The following TMEM132D variants were observed in gnomAD, a reference collection of about 807,000 sequenced individuals.
The protein encoded by TMEM132D is transmembrane protein 132D, also known as mature OL transmembrane protein.
A neutral mutation model predicts 62.3 loss-of-function variants in TMEM132D; 21 were observed. The observed-to-expected ratio is 0.34, with a 90% CI of 0.24 to 0.49. TMEM132D has a LOEUF of 0.49. Among genes scored for constraint, TMEM132D ranks in the 20% least tolerant of loss-of-function variants. The pLI, the probability that TMEM132D is intolerant of heterozygous loss-of-function variation, is 0.99. For missense variants in TMEM132D, 1,346 were observed against 1,402.8 expected (o/e 0.96, Z 0.65); for synonymous variants, 621 against 575.6 (o/e 1.08, Z -1.13).
chr12:129,141,005 G>A (rs1260374875), intron 5 of TMEM132D, among the ~76,000 whole-genome samples: 1 of 152,098 alleles, frequency 6.6e-6, no homozygotes, highest in East Asian at 1.9e-4. Flanking sequence ...TGGTCATTGG[G>A]AATAATATTA....
chr12:129,831,507 G>A (rs1209266047), intron 1 of TMEM132D, among the ~76,000 whole-genome samples: 5 of 152,258 alleles, frequency 3.3e-5, no homozygotes, highest in African/African-American at 1.2e-4. Context: ...TATGCGGCCG[G>A]TGCCTCGGCT....
chr12:129,199,169 G>T (rs1264092979), intron 5 of TMEM132D, among the ~76,000 whole-genome samples: 1 of 142,690 alleles, frequency 7.0e-6, no homozygotes, highest in East Asian at 2.1e-4. Context: ...GAATGCAGTG[G>T]TGCCATCATG....
intron 5 of TMEM132D, among the ~76,000 whole-genome samples, chr12:129,135,147 G>C (rs955702264): frequency 5.9e-5 from 9 of 152,188 alleles, no homozygotes; most frequent in Non-Finnish European, 1.0e-4. Context: ...AAGATGGAGA[G>C]GTTGGGAAGA....
intron 2 of TMEM132D, among the ~76,000 whole-genome samples, chr12:129,615,886 G>A (rs1021202890): frequency 2.0e-5 from 3 of 152,174 alleles, no homozygotes; most frequent in African/African-American, 7.2e-5. Flanking sequence ...CCCCGTCCCA[G>A]AGCCAGAACT....
intron 1 of TMEM132D, among the ~76,000 whole-genome samples, chr12:129,707,601 AAAGGT>A (rs1385984152): frequency 6.6e-6 from 1 of 152,176 alleles, no homozygotes; most frequent in East Asian, 1.9e-4. Flanking sequence ...ATACTTTTGG[AAAGGT>A]AAAGTTCTTG....
At chr12:129,624,594 C>T (rs561775463) in intron 2 of TMEM132D, among the ~76,000 whole-genome samples, 130 of 152,338 alleles carry the variant, frequency 8.5e-4, no homozygotes, top group Non-Finnish European at 1.6e-3. Flanking sequence ...TGTCAGCCCA[C>T]GCCAATGAGG....
intron 4 of TMEM132D, among the ~76,000 whole-genome samples, chr12:129,328,356 C>T (rs1868987269): frequency 6.6e-6 from 1 of 152,220 alleles, no homozygotes; most frequent in Admixed American, 6.5e-5. Context: ...ATGGACTGTG[C>T]TTCTGCGGTA....
chr12:129,101,433 C>T (rs992294978), intron 5 of TMEM132D, among the ~76,000 whole-genome samples: 3 of 152,176 alleles, frequency 2.0e-5, no homozygotes, highest in Non-Finnish European at 2.9e-5. Context: ...GAGTCCCCAC[C>T]ATTCCCTCTT....
intron 4 of TMEM132D, among the ~76,000 whole-genome samples, chr12:129,249,944 C>T (rs1352102962): frequency 1.3e-5 from 2 of 152,056 alleles, no homozygotes; most frequent in Non-Finnish European, 2.9e-5. Context: ...CCTTAAAGGG[C>T]AAGGGGAGAA....
intron 3 of TMEM132D, among the ~76,000 whole-genome samples, chr12:129,408,624 GA>G (rs904273084): frequency 2.2e-4 from 33 of 147,206 alleles, no homozygotes; most frequent in East Asian, 3.9e-4. Context: ...GAGCTATTCA[GA>G]AAAAAAAAAT....
intron 4 of TMEM132D, among the ~76,000 whole-genome samples, chr12:129,317,826 T>A (rs976774815): frequency 2.6e-5 from 4 of 152,190 alleles, no homozygotes; most frequent in African/African-American, 9.6e-5. Flanking sequence ...TTTTGGAGGC[T>A]TTGTTCATAT....
chr12:129,176,807 T>C (rs1877920110), intron 5 of TMEM132D, among the ~76,000 whole-genome samples: 1 of 152,090 alleles, frequency 6.6e-6, no homozygotes, highest in Admixed American at 6.5e-5. Flanking sequence ...TCCTAAGAAA[T>C]AGAACTCTGT....
Position 129,209,612 on chromosome 12 carries a change from G to A in TMEM132D, c.1351C>T (p.Pro451Ser), listed in dbSNP as rs749902327. ...TCCTCCACGGAGACCACTTTCACCGGGACGGCCACCGTCTTCCCCGTGAGG... is the reference window on the plus strand; with the variant it reads ...TCCTCCACGGAGACCACTTTCACCGAGACGGCCACCGTCTTCCCCGTGAGG... Reference protein sequence around the residue: ...AILTGKTVAVPVKVVSVEDDG... With the variant: ...AILTGKTVAVSVKVVSVEDDG... Residue 451 changes from proline to serine, a missense_variant, in exon 5 of 9, where the codon CCG (proline) becomes TCG (serine). Physicochemically the swap from Pro to Ser is moderately conservative, Grantham distance 74. Transcript: ENST00000422113. The A allele has an allele frequency of 1.9e-6, 3 of 1,614,064 alleles. No individual in the cohort carries two copies. The highest frequency in any genetic ancestry group is 2.5e-6 in the Non-Finnish European group (3 of 1,180,030).
At chr12:129,405,289 G>C (rs1871747856) in intron 3 of TMEM132D, among the ~76,000 whole-genome samples, 1 of 152,024 alleles carries the variant, frequency 6.6e-6, no homozygotes, top group Non-Finnish European at 1.5e-5. Context: ...AAGCTTTCTG[G>C]TGTCTCTCCT....
chr12:129,392,456 C>A (rs1349801772), intron 3 of TMEM132D, among the ~76,000 whole-genome samples: 2 of 152,208 alleles, frequency 1.3e-5, no homozygotes, highest in African/African-American at 2.4e-5. Flanking sequence ...ACACTGGAGA[C>A]CTTTCCTCTG....
chr12:129,540,292 C>T (rs1204117202), intron 2 of TMEM132D, among the ~76,000 whole-genome samples: 1 of 152,076 alleles, frequency 6.6e-6, no homozygotes, highest in Non-Finnish European at 1.5e-5. Context: ...GGCTGCACAC[C>T]AGCCAGGAGC....
intron 3 of TMEM132D, among the ~76,000 whole-genome samples, chr12:129,490,845 A>G (rs972350112): frequency 6.6e-6 from 1 of 151,772 alleles, no homozygotes; most frequent in Admixed American, 6.6e-5. Context: ...CGACCCCGTT[A>G]GTCTGTGCCC....
intron 2 of TMEM132D, among the ~76,000 whole-genome samples, chr12:129,555,899 G>GT (rs1316591085): frequency 6.6e-6 from 1 of 152,150 alleles, no homozygotes; most frequent in Non-Finnish European, 1.5e-5. Context: ...TTCATTGTCT[G>GT]TGTCTCTCTC....
intron 5 of TMEM132D, among the ~76,000 whole-genome samples, chr12:129,089,142 A>C (rs1438175660): frequency 5.8e-5 from 2 of 34,678 alleles, no homozygotes. Context: ...GGTGTCCTCT[A>C]TGACCGGGTG....
Sources: allele counts gnomAD v4.1 joint callset (sites outside exome capture counted in the v4.1 genomes callset), GRCh38; gene constraint gnomAD v4.1.1; transcripts MANE v1.5; gene names NCBI Gene and HGNC (gene_info 2026-07-23, HGNC 2026-07-21).